PPM1H: variants seen among roughly 807,000 people sequenced by gnomAD.
PPM1H encodes the protein protein phosphatase 1H.
In PPM1H, 27 loss-of-function variants were observed where a neutral mutation model predicts 54.9. The ratio of observed to expected loss-of-function variants is 0.49; its 90% CI spans 0.36 to 0.68. The LOEUF is 0.68. PPM1H is among the 30% of genes least tolerant of loss of function. The probability of loss-of-function intolerance (pLI) is 0.00; values close to 1 mark genes in which losing one functional copy is unlikely to be tolerated. For missense variants in PPM1H, 596 were observed against 667.8 expected, an observed-to-expected ratio of 0.89 and a Z score of 1.19; for synonymous variants, 305 against 270.8, an observed-to-expected ratio of 1.13 and a Z score of -1.24.
At chr12:62,925,464 G>A (rs942803716) in intron 1 of PPM1H, among the ~76,000 whole-genome samples, 1 of 152,198 alleles carries the variant, frequency 6.6e-6, no homozygotes, top group African/African-American at 2.4e-5. Flanking sequence ...TGTAGTCATA[G>A]CTACTCGGGA....
At position 62,689,736 on chromosome 12, in the gene PPM1H, T is replaced by C. The variant is rs756532178; in HGVS notation, c.1208A>G (p.Asn403Ser). The C allele has an allele frequency of 6.8e-6, 11 of 1,613,710 alleles. No individual in the cohort carries two copies. In the Admixed American group the frequency reaches 1.8e-4, roughly 27 times the overall value. Residue 403 changes from asparagine (N) to serine (S), a missense_variant, in exon 8 of 10, where the codon AAC becomes AGC. Asn to Ser is a conservative substitution (Grantham distance 46). Coordinates refer to ENST00000228705, the MANE Select transcript of PPM1H (RefSeq NM_020700.2). ...GDHDLKVHDS[N>S]IYIKPFLSSA... Reference sequence around the variant, plus strand: ...AGACAGGAATGGTTTAATGTAGATGTTGGAGTCATGCACCTTCAGGTCATG... The same window carrying C: ...AGACAGGAATGGTTTAATGTAGATGCTGGAGTCATGCACCTTCAGGTCATG...
chr12:62,885,466 CAG>C (rs1487723770), intron 1 of PPM1H, among the ~76,000 whole-genome samples: 1 of 152,156 alleles, frequency 6.6e-6, no homozygotes, highest in East Asian at 1.9e-4. Context: ...TTTGAATACT[CAG>C]AGTCTACTGA....
chr12:62,845,327 G>A (rs1235747273), intron 1 of PPM1H, among the ~76,000 whole-genome samples: 1 of 152,198 alleles, frequency 6.6e-6, no homozygotes, highest in African/African-American at 2.4e-5. Flanking sequence ...TGCATGGAAT[G>A]GGAAGTTCCT....
rs2075786036 is a variant in PPM1H, at chr12:62,646,570, A to G, written c.*1919T>C. ...TCCTACAGCATCAGACTCTGCCACG[A>G]AGCAAAGCATTTTCCACAAACTTCT... On this transcript the variant is annotated 3_prime_UTR_variant, in exon 10 of 10. Coordinates refer to ENST00000228705, the MANE Select transcript of PPM1H (RefSeq NM_020700.2). The G allele has an allele frequency of 6.6e-6, 1 of 152,286 alleles. No individual in the cohort carries two copies. The highest frequency in any genetic ancestry group is 2.4e-5 in the African/African-American group (1 of 41,460). 9.4% of individuals were successfully genotyped at this position (152,286 alleles called of 1,614,324 possible). A position where few individuals can be genotyped will look rare whatever the true frequency, so the allele number is the denominator to read the frequency against.
chr12:62,667,080 C>T (rs188772763), intron 9 of PPM1H, 98 bp downstream of exon 9: 183 of 1,360,636 alleles, frequency 1.3e-4, no homozygotes, highest in Middle Eastern at 3.7e-4. Flanking sequence ...ATATCAGCCT[C>T]TAAGTCATGA....
intron 4 of PPM1H, among the ~76,000 whole-genome samples, chr12:62,758,390 C>A (rs1037899760): frequency 2.6e-5 from 4 of 152,146 alleles, no homozygotes; most frequent in African/African-American, 9.7e-5. Flanking sequence ...AAGGGAGGTC[C>A]CTGCCTGTGT....
chr12:62,740,971 C>T (rs2076378244), intron 4 of PPM1H, among the ~76,000 whole-genome samples: 1 of 152,224 alleles, frequency 6.6e-6, no homozygotes, highest in African/African-American at 2.4e-5. Flanking sequence ...TTCTAGCCCA[C>T]ATATCTCTGT....
chr12:62,761,730 G>A (rs1309036261), intron 4 of PPM1H, among the ~76,000 whole-genome samples: 1 of 152,184 alleles, frequency 6.6e-6, no homozygotes, highest in Non-Finnish European at 1.5e-5. Flanking sequence ...AGTTTAGGGA[G>A]TCCACACAGT....
At chr12:62,684,573 G>C (rs1452623687) in intron 8 of PPM1H, among the ~76,000 whole-genome samples, 1 of 152,112 alleles carries the variant, frequency 6.6e-6, no homozygotes, top group Non-Finnish European at 1.5e-5. Context: ...TGATTTCCAA[G>C]AAGATTTTTG....
rs143476374 is a variant in PPM1H at position 62,665,273 on chromosome 12, T to C, written c.1397+1905A>G. ...CATGTTGGCTAGGCTGGTCTTGAAC[T>C]CCTGACCTCAGGTGATCTGCCCGCC... On this transcript the variant is annotated intron_variant, in intron 9 of 9. Transcript: ENST00000228705. Among the ~76,000 whole-genome samples, 413 of 152,298 alleles carry C rather than the reference T, an allele frequency of 2.7e-3. 4 individuals are homozygous for C. The highest frequency in any genetic ancestry group is 9.4e-3 in the African/African-American group (389 of 41,558).
intron 5 of PPM1H, among the ~76,000 whole-genome samples, chr12:62,731,309 G>A (rs925585762): frequency 2.0e-5 from 3 of 152,132 alleles, no homozygotes; most frequent in African/African-American, 7.2e-5. Flanking sequence ...GCAAAACACG[G>A]AGATATTGAA....
chr12:62,738,821 C>A (rs1374994908), intron 4 of PPM1H, among the ~76,000 whole-genome samples: 2 of 152,160 alleles, frequency 1.3e-5, no homozygotes, highest in Non-Finnish European at 1.5e-5. Flanking sequence ...AGGCTGCATT[C>A]TTTGTGCCAA....
At chr12:62,753,352 T>C (rs2076452798) in intron 4 of PPM1H, among the ~76,000 whole-genome samples, 1 of 152,098 alleles carries the variant, frequency 6.6e-6, no homozygotes, top group East Asian at 1.9e-4. Context: ...CTCGAAAGAG[T>C]TCAGGAAACA....
At chr12:62,886,964 C>A (rs1170666510) in intron 1 of PPM1H, among the ~76,000 whole-genome samples, 1 of 152,112 alleles carries the variant, frequency 6.6e-6, no homozygotes, top group Non-Finnish European at 1.5e-5. Context: ...AGCCTGCCTA[C>A]CTAAAAGTGG....
intron 1 of PPM1H, among the ~76,000 whole-genome samples, chr12:62,927,898 C>T (rs1872024293): frequency 1.3e-5 from 2 of 151,910 alleles, no homozygotes; most frequent in Non-Finnish European, 2.9e-5. Context: ...TTTTACTAGT[C>T]TATATTATCT....
At position 62,748,200 on chromosome 12, in the gene PPM1H, G is replaced by A. The variant is rs568561278; in HGVS notation, c.870-10614C>T. Among the ~76,000 whole-genome samples the A allele has an allele frequency of 8.6e-5, 13 of 151,102 alleles. No homozygotes were observed. The East Asian group carries it at 2.3e-3, about 27-fold the overall frequency. On this transcript the variant is annotated intron_variant, in intron 4 of 9. Transcript: ENST00000228705. ...GGAGCTTGCAGGGAGCCGAGATTGC[G>A]CCACTGTACTCCAGCCTGGGCGACA...
At chr12:62,857,844 C>T (rs1179585280) in intron 1 of PPM1H, among the ~76,000 whole-genome samples, 1 of 152,040 alleles carries the variant, frequency 6.6e-6, no homozygotes, top group Non-Finnish European at 1.5e-5. Flanking sequence ...TTTTATTGTA[C>T]TCATTTGAAG....
chr12:62,847,038 T>C (rs1868998459), intron 1 of PPM1H, among the ~76,000 whole-genome samples: 1 of 152,184 alleles, frequency 6.6e-6, no homozygotes, highest in Non-Finnish European at 1.5e-5. Context: ...CTCCGTCCCA[T>C]TCATATGGTT....
At chr12:62,688,008 CAAAA>C (rs57922128) in intron 8 of PPM1H, among the ~76,000 whole-genome samples, 1 of 95,292 alleles carries the variant, frequency 1.0e-5, no homozygotes. Context: ...GACTCCATCT[CAAAA>C]AAAAAAAAAA....
Sources: allele counts gnomAD v4.1 joint callset (sites outside exome capture counted in the v4.1 genomes callset), GRCh38; gene constraint gnomAD v4.1.1; transcripts MANE v1.5; gene names NCBI Gene and HGNC (gene_info 2026-07-23, HGNC 2026-07-21).